The following SYNE2 variants were observed in gnomAD, a reference collection of about 807,000 sequenced individuals.
SYNE2 encodes the protein nesprin-2.
A neutral mutation model predicts 856.3 loss-of-function variants in SYNE2; 431 were observed. That is an observed-to-expected ratio of 0.50 (90% CI 0.47 to 0.55). The LOEUF is 0.55. SYNE2 is among the 20% of genes least tolerant of loss of function. The pLI, the probability that SYNE2 is intolerant of heterozygous loss-of-function variation, is 0.00. For synonymous variants in SYNE2, 2,923 were observed against 2,872.3 expected, an observed-to-expected ratio of 1.02 and a Z score of -0.56; for missense variants, 8,129 against 8,023.2, an observed-to-expected ratio of 1.01 and a Z score of -0.50.
chr14:64,198,902 T>C (rs17225801), intron 99 of SYNE2, among the ~76,000 whole-genome samples: 3,622 of 152,326 alleles, frequency 0.024, 102 homozygotes, highest in East Asian at 0.1. Context: ...ACAGCTATTA[T>C]TGAGCAACTC....
rs2096903746 is a variant in SYNE2 at position 64,017,654 on chromosome 14, C to T, written c.4947C>T (p.Asp1649=). 8.7e-6 allele frequency: 14 copies of T among 1,613,408 alleles called. No individual in the cohort carries two copies. Among genetic ancestry groups the T allele is most frequent in the Non-Finnish European group, 1.0e-5 (12 of 1,179,570 alleles). ...ENLGRALALW[D]KLFNLKNVID... Reference sequence around the variant, plus strand: ...TTGGTCGAGCTCTAGCTTTGTGGGACAAACTTTTTAACTTAAAAAATGTCA... The same window carrying T: ...TTGGTCGAGCTCTAGCTTTGTGGGATAAACTTTTTAACTTAAAAAATGTCA... Residue 1649 remains aspartate (D), a synonymous_variant, in exon 34 of 116, where the codon GAC becomes GAT. Transcript: ENST00000555002.
At chr14:64,159,505 G>C in intron 87 of SYNE2, 63 bp downstream of exon 87, 2 of 1,580,904 alleles carry the variant, frequency 1.3e-6, no homozygotes, top group South Asian at 1.1e-5. Context: ...TGAAGAATGA[G>C]GGGGCATAGG....
At chr14:63,995,257 A>AG in intron 23 of SYNE2, 55 bp downstream of exon 23, 1 of 1,481,692 alleles carries the variant, frequency 6.7e-7, no homozygotes, top group South Asian at 1.2e-5. Context: ...TTTATCTTAA[A>AG]TGGTTGTGTG....
At position 64,035,820 on chromosome 14, in the gene SYNE2, G is replaced by GAGT. The variant is rs544742772; in HGVS notation, c.7221+4469_7221+4471dup. Among the ~76,000 whole-genome samples the GAGT allele has an allele frequency of 1.8e-3, 268 of 151,228 alleles. 1 individual carries two copies. The highest frequency in any genetic ancestry group is 5.8e-3 in the African/African-American group (241 of 41,218). On this transcript the variant is annotated intron_variant, in intron 45 of 115. Coordinates refer to ENST00000555002, the MANE Select transcript of SYNE2 (RefSeq NM_182914.3). Reference sequence around the variant, plus strand: ...AGCCATCCTCCTGCCTTAGCCTCCTGAGTAGTAGGACTCCAGGCATGTATC... The same window carrying GAGT: ...AGCCATCCTCCTGCCTTAGCCTCCTGAGTAGTAGTAGGACTCCAGGCATGTATC...
At chr14:63,858,541 T>C (rs181478887) in intron 1 of SYNE2, among the ~76,000 whole-genome samples, 184 of 152,068 alleles carry the variant, frequency 1.2e-3, no homozygotes, top group African/African-American at 4.1e-3. Context: ...CTTAGCCTCC[T>C]GAGTAGCTGG....
rs549883377 is a variant in SYNE2 at position 64,067,656 on chromosome 14, T to A, written c.10431+2006T>A. ...TAAAGTTTATATTAGCAGACTTTTT[T>A]AAAAATTAAATGCCTGTTTGTAAGT... On this transcript the variant is annotated intron_variant, in intron 51 of 115. Transcript: ENST00000555002. Among the ~76,000 whole-genome samples the A allele has an allele frequency of 1.6e-4, 24 of 152,372 alleles. No homozygotes were observed. In the East Asian group the frequency reaches 3.5e-3, roughly 22 times the overall value.
chr14:64,113,312 T>A, intron 65 of SYNE2, 29 bp from the exon 66 acceptor site: 1 of 1,612,856 alleles, frequency 6.2e-7, no homozygotes. Context: ...AACTTTGGAC[T>A]CCCTGGCTTA....
intron 1 of SYNE2, among the ~76,000 whole-genome samples, chr14:63,797,746 GTAA>G (rs1887976111): frequency 6.6e-6 from 1 of 152,188 alleles, no homozygotes; most frequent in Admixed American, 6.5e-5. Context: ...CCAGCCAGAT[GTAA>G]TAATTTCTAC....
chr14:63,806,103 G>A (rs921503239), intron 1 of SYNE2, among the ~76,000 whole-genome samples: 5 of 152,136 alleles, frequency 3.3e-5, no homozygotes, highest in Non-Finnish European at 7.3e-5. Context: ...TCAGTATGAT[G>A]TTGGCTGTGG....
At chr14:64,199,307 G>A (rs1314374379) in intron 99 of SYNE2, among the ~76,000 whole-genome samples, 1 of 152,180 alleles carries the variant, frequency 6.6e-6, no homozygotes, top group African/African-American at 2.4e-5. Flanking sequence ...AGCAGCTCCA[G>A]ACCAGACTAC....
chr14:64,200,401 G>T (rs2098556851), intron 99 of SYNE2, among the ~76,000 whole-genome samples: 2 of 152,206 alleles, frequency 1.3e-5, no homozygotes, highest in Non-Finnish European at 2.9e-5. Flanking sequence ...GAGCCTTCCA[G>T]GAGGGCAGTC....
rs564909742 is a variant in SYNE2 at position 63,806,735 on chromosome 14, G to C, written c.-305+44749G>C. Among the ~76,000 whole-genome samples the C allele has an allele frequency of 5.3e-5, 8 of 152,080 alleles. No individual in the cohort carries two copies. In the South Asian group the frequency reaches 1.7e-3, roughly 32 times the overall value. On this transcript the variant is annotated intron_variant, in intron 1 of 23. Coordinates refer to the SYNE2 transcript ENST00000674003. ...TTTTTAAAATTTAACAAATCTGGCT[G>C]TTCCGAAGTTCTTTTGTTTTTCGTA...
At chr14:63,882,579 G>T (rs1595410227) in intron 1 of SYNE2, among the ~76,000 whole-genome samples, 2 of 150,494 alleles carry the variant, frequency 1.3e-5, no homozygotes, top group African/African-American at 4.9e-5. Context: ...AAAAAAATTA[G>T]CTGGGTGTGG....
At chr14:63,934,823 A>G (rs1353053781) in intron 2 of SYNE2, among the ~76,000 whole-genome samples, 3 of 152,146 alleles carry the variant, frequency 2.0e-5, no homozygotes. Flanking sequence ...AAAATAAGGA[A>G]GAGAGTAATC....
In SYNE2 at chr14:63,815,275, T is replaced by C. The variant is rs1387790998; in HGVS notation, c.-304-37226T>C. 3.3e-5 allele frequency among the ~76,000 whole-genome samples: 4 copies of C among 121,658 alleles called. 2 individuals carry two copies. In the East Asian group the frequency reaches 8.8e-4, roughly 27 times the overall value. The allele number at this position is 121,658 out of a possible 152,430, so 79.8% of individuals were successfully genotyped here. On this transcript the variant is annotated intron_variant, in intron 1 of 23. Transcript: ENST00000674003. ...ATATATATAAGGGAGTTTATTAAGG[T>C]GTATTAAACTCACAGGATCACAAGT...
intron 1 of SYNE2, among the ~76,000 whole-genome samples, chr14:63,883,413 A>C (rs1347148363): frequency 6.6e-6 from 1 of 152,098 alleles, no homozygotes; most frequent in Non-Finnish European, 1.5e-5. Flanking sequence ...GCTAGAGTGC[A>C]GTGGTACAAT....
rs770399154 is a variant in SYNE2, at chr14:64,056,092, G to T, written c.9893G>T (p.Arg3298Leu). Residue 3298 changes from arginine (R) to leucine (L), a missense_variant, in exon 49 of 116, where the codon CGA becomes CTA. Arg to Leu is a moderately radical substitution (Grantham distance 102). Coordinates refer to ENST00000555002, the MANE Select transcript of SYNE2 (RefSeq NM_182914.3). ...NPEESLEMPL[R>L]KQEELESTVA... ...GAAGAATCTTTAGAGATGCCTCTTC[G>T]AAAACAAGAGGAATTGGAATCCACA... 3.1e-6 allele frequency: 5 copies of T among 1,613,930 alleles called. No individual in the cohort carries two copies. In the South Asian group the frequency reaches 5.5e-5, roughly 18 times the overall value.
intron 2 of SYNE2, among the ~76,000 whole-genome samples, chr14:63,923,997 C>T (rs1279884409): frequency 2.6e-5 from 4 of 151,524 alleles, no homozygotes; most frequent in Admixed American, 6.6e-5. Flanking sequence ...TGTAGAGACA[C>T]GGTTTCACCA....
chr14:64,203,368 A>T (rs1232992860), intron 100 of SYNE2, among the ~76,000 whole-genome samples: 1 of 152,160 alleles, frequency 6.6e-6, no homozygotes, highest in African/African-American at 2.4e-5. Context: ...CAGCTTTTTT[A>T]AAAAATTAAA....
Sources: gnomAD v4.1 joint callset for allele counts (sites outside exome capture counted in the v4.1 genomes callset) on GRCh38, gnomAD v4.1.1 for gene constraint, MANE v1.5 for transcripts, NCBI Gene and HGNC (gene_info 2026-07-23, HGNC 2026-07-21) for gene names.